Variants in LARGE1 observed in about 807,000 individuals in gnomAD.
The protein encoded by LARGE1 is xylosyl- and glucuronyltransferase LARGE1.
Under a neutral mutation model 87.6 loss-of-function variants are expected in LARGE1, and 43 were observed. The ratio of observed to expected loss-of-function variants is 0.49; its 90% CI spans 0.38 to 0.63. LARGE1 has a LOEUF of 0.63. Ranked by LOEUF, LARGE1 falls within the 30% of genes least tolerant of loss-of-function variation. The pLI is 0.00. For missense variants in LARGE1, 802 were observed against 1,000.2 expected (o/e 0.80, Z 2.67); for synonymous variants, 434 against 394.6 (o/e 1.10, Z -1.18).
intron 11 of LARGE1, among the ~76,000 whole-genome samples, chr22:33,171,028 G>A (rs1369149073): frequency 6.6e-6 from 1 of 152,210 alleles, no homozygotes; most frequent in Non-Finnish European, 1.5e-5. Flanking sequence ...ATGGAGATAA[G>A]GAAGTTTTTG....
At chr22:33,068,708 G>C in the LARGE1 span, among the ~76,000 whole-genome samples, 4 of 152,174 alleles carry the variant, frequency 2.6e-5, no homozygotes, top group Non-Finnish European at 4.4e-5. Context: ...TCCTCTGGCT[G>C]TGGCCACTGC....
At chr22:33,401,681 G>A (rs985880918) in intron 7 of LARGE1, among the ~76,000 whole-genome samples, 4 of 152,110 alleles carry the variant, frequency 2.6e-5, no homozygotes, top group African/African-American at 9.7e-5. Flanking sequence ...GCAGACATGC[G>A]CAGAAGTGAG....
rs142036792 is a variant in LARGE1 at position 33,652,368 on chromosome 22, A to C, written c.107-1700T>G. Among the ~76,000 whole-genome samples, 277 of 152,024 alleles carry C rather than the reference A, an allele frequency of 1.8e-3. 8 individuals carry two copies. The East Asian group carries it at 0.048, about 26-fold the overall frequency. On this transcript the variant is annotated intron_variant, in intron 2 of 14. Coordinates refer to ENST00000397394, the MANE Select transcript of LARGE1 (RefSeq NM_133642.5). ...TTCAGAGAGCTAACATTAAAAAAAAACAAACACTTATTAGTATAAAAACCC... is the reference window on the plus strand; with the variant it reads ...TTCAGAGAGCTAACATTAAAAAAAACCAAACACTTATTAGTATAAAAACCC...
At chr22:33,777,664 GGAAGGGGAAGGAGAAGGA>G (rs149488736) in intron 1 of LARGE1, among the ~76,000 whole-genome samples, 7,152 of 111,110 alleles carry the variant, frequency 0.064, 186 homozygotes, top group South Asian at 0.11. Flanking sequence ...GAGGGGGAGG[GGAAGGGGAAGGAGAAGGA>G]GAAGGGGAAG....
At chr22:33,470,657 G>T (rs1410267360) in intron 6 of LARGE1, among the ~76,000 whole-genome samples, 1 of 152,132 alleles carries the variant, frequency 6.6e-6, no homozygotes, top group African/African-American at 2.4e-5. Context: ...TCGTCCATAA[G>T]CTGCCCTCAC....
chr22:33,863,373 C>T (rs2063988504), intron 1 of LARGE1, among the ~76,000 whole-genome samples: 1 of 152,188 alleles, frequency 6.6e-6, no homozygotes, highest in Non-Finnish European at 1.5e-5. Context: ...AGTCTCCTGC[C>T]TCACGATGGG....
At chr22:33,341,585 C>A (rs1404024196) in intron 9 of LARGE1, among the ~76,000 whole-genome samples, 1 of 149,754 alleles carries the variant, frequency 6.7e-6, no homozygotes, top group East Asian at 1.9e-4. Flanking sequence ...TTTTCTCTCT[C>A]ATGGCACAGT....
At chr22:33,897,101 G>T (rs868532814) in intron 1 of LARGE1, among the ~76,000 whole-genome samples, 2 of 152,164 alleles carry the variant, frequency 1.3e-5, no homozygotes, top group Non-Finnish European at 2.9e-5. Context: ...TGCCTCCTTT[G>T]TGGAGCTCCC....
intron 1 of LARGE1, among the ~76,000 whole-genome samples, chr22:33,862,714 C>T (rs2063967895): frequency 6.6e-6 from 1 of 152,156 alleles, no homozygotes; most frequent in Non-Finnish European, 1.5e-5. Flanking sequence ...CCATGACGTT[C>T]GTTTGTGGGC....
chr22:33,635,222 G>T (rs967398957), intron 3 of LARGE1, among the ~76,000 whole-genome samples: 1 of 152,120 alleles, frequency 6.6e-6, no homozygotes. Flanking sequence ...AATGCAGACC[G>T]TACAGGGGAT....
chr22:33,305,391 G>A (rs2146180112), intron 11 of LARGE1, among the ~76,000 whole-genome samples: 1 of 151,536 alleles, frequency 6.6e-6, no homozygotes, highest in African/African-American at 2.4e-5. Flanking sequence ...TGTGTGGAGG[G>A]TTTGCAACAG....
At chr22:33,216,608 A>AAAAAAAG (rs1925217339) in intron 11 of LARGE1, among the ~76,000 whole-genome samples, 1 of 150,202 alleles carries the variant, frequency 6.7e-6, no homozygotes, top group African/African-American at 2.4e-5. Flanking sequence ...AAAAAAAAAA[A>AAAAAAAG]AAAAGAAAAG....
the LARGE1 span, among the ~76,000 whole-genome samples, chr22:33,104,739 T>C: frequency 6.6e-6 from 1 of 152,200 alleles, no homozygotes; most frequent in South Asian, 2.1e-4. Context: ...CCTCTTCTTC[T>C]GCCTATAACA....
chr22:33,497,056 AT>A (rs1358301858), intron 6 of LARGE1, among the ~76,000 whole-genome samples: 2 of 142,930 alleles, frequency 1.4e-5, no homozygotes, highest in Non-Finnish European at 3.0e-5. Flanking sequence ...TAGTTCTGCT[AT>A]TTTCTTTTCT....
At chr22:33,314,310 C>T (rs1935919963) in intron 11 of LARGE1, among the ~76,000 whole-genome samples, 2 of 152,116 alleles carry the variant, frequency 1.3e-5, no homozygotes, top group Non-Finnish European at 2.9e-5. Context: ...ACCGCCGGCC[C>T]CTGAAGCCAT....
intron 6 of LARGE1, among the ~76,000 whole-genome samples, chr22:33,472,299 T>C (rs2068876101): frequency 6.6e-6 from 1 of 152,088 alleles, no homozygotes; most frequent in Non-Finnish European, 1.5e-5. Context: ...ATGTCAACAG[T>C]TTGTACTGAT....
intron 3 of LARGE1, among the ~76,000 whole-genome samples, chr22:33,642,499 AG>A (rs1484176426): frequency 5.3e-5 from 8 of 152,088 alleles, no homozygotes; most frequent in Non-Finnish European, 1.0e-4. Context: ...ATAACCAGCT[AG>A]CATCATGATG....
chr22:33,357,269 C>T (rs1233685706), intron 9 of LARGE1, among the ~76,000 whole-genome samples: 4 of 151,180 alleles, frequency 2.6e-5, no homozygotes, highest in Admixed American at 6.6e-5. Context: ...TAAATAACTA[C>T]ATGTTCTCAT....
chr22:33,404,883 G>T (rs182906475), intron 7 of LARGE1, among the ~76,000 whole-genome samples: 1 of 152,174 alleles, frequency 6.6e-6, no homozygotes, highest in Non-Finnish European at 1.5e-5. Flanking sequence ...TGTTCAGTGG[G>T]GGGGAAGGAA....
Sources: allele counts gnomAD v4.1 joint callset (sites outside exome capture counted in the v4.1 genomes callset), GRCh38; gene constraint gnomAD v4.1.1; transcripts MANE v1.5; gene names NCBI Gene and HGNC (gene_info 2026-07-23, HGNC 2026-07-21).